Variants in PAN3 observed in about 807,000 individuals in gnomAD.
The protein encoded by PAN3 is poly(A) specific ribonuclease subunit PAN3, also known as PAN2-PAN3 deadenylation complex subunit PAN3.
PAN3 carries 19 observed loss-of-function variants against 96.2 expected under a neutral mutation model. The ratio of observed to expected loss-of-function variants is 0.20; its 90% CI spans 0.14 to 0.29. PAN3 has a LOEUF of 0.29. PAN3 is among the 10% of genes least tolerant of loss of function. The pLI, the probability that PAN3 is intolerant of heterozygous loss-of-function variation, is 1.00. For missense variants in PAN3, 882 were observed against 1,108.1 expected (o/e 0.80, Z 2.90); for synonymous variants, 433 against 406.6 (o/e 1.06, Z -0.78).
intron 6 of PAN3, among the ~76,000 whole-genome samples, chr13:28,253,408 C>T (rs1884892350): frequency 6.6e-6 from 1 of 151,796 alleles, no homozygotes; most frequent in South Asian, 2.1e-4. Context: ...AGATATTTTA[C>T]TCAGTTCTTT....
At chr13:28,209,624 G>T (rs756950447) in intron 5 of PAN3, among the ~76,000 whole-genome samples, 35 of 151,970 alleles carry the variant, frequency 2.3e-4, no homozygotes, top group Non-Finnish European at 4.0e-4. Context: ...ATAAAAAAGT[G>T]CTGTGCTAAC....
At chr13:28,252,870 A>C (rs532398147) in intron 6 of PAN3, among the ~76,000 whole-genome samples, 1 of 152,166 alleles carries the variant, frequency 6.6e-6, no homozygotes, top group Non-Finnish European at 1.5e-5. Context: ...CTGATCTTCT[A>C]TGTATTACTA....
chr13:28,215,586 G>T (rs1436385798), intron 5 of PAN3: 3 of 791,474 alleles, frequency 3.8e-6, no homozygotes, highest in Admixed American at 4.1e-5. Flanking sequence ...CTATGCCCTT[G>T]TACTGAATTG....
At chr13:28,257,660 TTA>T (rs1885254302) in intron 7 of PAN3, among the ~76,000 whole-genome samples, 2 of 143,008 alleles carry the variant, frequency 1.4e-5, no homozygotes, top group African/African-American at 2.6e-5. Context: ...CATATATATT[TTA>T]TATATATGTA....
chr13:28,220,199 G>T (rs1215723754), intron 5 of PAN3, 32 bp from the exon 6 acceptor site: 1 of 1,601,994 alleles, frequency 6.2e-7, no homozygotes. Context: ...GGCTTAAAGT[G>T]TGTTAACTTA....
chr13:28,197,039 G>T (rs1878138639), intron 4 of PAN3, 146 bp from the exon 5 acceptor site: 1 of 926,480 alleles, frequency 1.1e-6, no homozygotes, highest in East Asian at 2.8e-5. Flanking sequence ...GAGGTGGTGG[G>T]TGGTGGTAAG....
Position 28,280,505 on chromosome 13 carries a change from A to G in PAN3, c.2283A>G (p.Gln761=), listed in dbSNP as rs147333916. The change falls in exon 16 of 19, where the codon CAA becomes CAG. Residue 761 remains glutamine, a synonymous_variant. Transcript: ENST00000380958. ...TTTATACTCAATTGGATGCTGCTCA[A>G]ATGAGAAATGATGTCATAGAGGAAG... is the stretch of plus-strand genomic sequence containing the variant. ...ARFYTQLDAA[Q]MRNDVIEEDL... 6.4e-5 allele frequency: 104 copies of G among 1,613,692 alleles called. No individual in the cohort carries two copies. The Admixed American group carries it at 1.2e-3, about 18-fold the overall frequency.
intron 1 of PAN3, among the ~76,000 whole-genome samples, chr13:28,146,302 C>CTCTG (rs1555267958): frequency 7.7e-6 from 1 of 129,312 alleles, no homozygotes; most frequent in African/African-American, 3.8e-5. Flanking sequence ...CTTTCTCTGT[C>CTCTG]TCTCTCTCTC....
chr13:28,286,752 A>G (rs1869019965), intron 17 of PAN3, among the ~76,000 whole-genome samples: 1 of 152,298 alleles, frequency 6.6e-6, no homozygotes, highest in Non-Finnish European at 1.5e-5. Context: ...GGCTGTTGAA[A>G]GGGAGCAGAG....
intron 14 of PAN3, among the ~76,000 whole-genome samples, chr13:28,273,982 G>C (rs1190546414): frequency 6.6e-6 from 1 of 152,182 alleles, no homozygotes; most frequent in Non-Finnish European, 1.5e-5. Context: ...GCATAAATCT[G>C]TTTTGCTCGT....
chr13:28,166,373 T>C (rs1293844133), intron 1 of PAN3, among the ~76,000 whole-genome samples: 1 of 152,194 alleles, frequency 6.6e-6, no homozygotes, highest in African/African-American at 2.4e-5. Context: ...AGAATAATCT[T>C]GTTTAACTCC....
intron 1 of PAN3, among the ~76,000 whole-genome samples, 154 bp downstream of exon 1, chr13:28,139,241 C>T (rs1222279311): frequency 6.6e-6 from 1 of 151,742 alleles, no homozygotes; most frequent in Non-Finnish European, 1.5e-5. Context: ...CTGAGCCCTC[C>T]TTCCTTCTTC....
At chr13:28,217,127 AT>A (rs926589545) in intron 5 of PAN3, among the ~76,000 whole-genome samples, 1 of 151,092 alleles carries the variant, frequency 6.6e-6, no homozygotes, top group Non-Finnish European at 1.5e-5. Context: ...AAAAAAAAAA[AT>A]GATAATAATT....
intron 14 of PAN3, among the ~76,000 whole-genome samples, chr13:28,273,223 G>A (rs776879870): frequency 1.3e-5 from 2 of 152,086 alleles, no homozygotes; most frequent in African/African-American, 2.4e-5. Flanking sequence ...GCCTCGTGAT[G>A]CTTCTTAGCT....
chr13:28,177,139 A>T (rs1323810506), intron 3 of PAN3, among the ~76,000 whole-genome samples: 1 of 152,156 alleles, frequency 6.6e-6, no homozygotes. Flanking sequence ...TCAGAAATGA[A>T]GATAAATATT....
intron 5 of PAN3, among the ~76,000 whole-genome samples, chr13:28,207,460 T>TA (rs1879509650): frequency 6.6e-6 from 1 of 152,182 alleles, no homozygotes; most frequent in African/African-American, 2.4e-5. Context: ...CAAAATCCCT[T>TA]ATGAAGGCAT....
chr13:28,191,608 C>T (rs1457853244), intron 4 of PAN3, among the ~76,000 whole-genome samples: 1 of 152,096 alleles, frequency 6.6e-6, no homozygotes, highest in Non-Finnish European at 1.5e-5. Flanking sequence ...TGCCAGAGTC[C>T]ACTAATTTGT....
intron 6 of PAN3, among the ~76,000 whole-genome samples, chr13:28,252,033 G>A (rs1253494939): frequency 6.6e-6 from 1 of 151,750 alleles, no homozygotes; most frequent in Non-Finnish European, 1.5e-5. Flanking sequence ...GATTACAGGT[G>A]CGCACCACCA....
chr13:28,243,998 T>A (rs1883935327), intron 6 of PAN3, among the ~76,000 whole-genome samples: 1 of 152,208 alleles, frequency 6.6e-6, no homozygotes, highest in South Asian at 2.1e-4. Flanking sequence ...GTTCTTTTTT[T>A]AAAACATAAA....
Sources: allele counts gnomAD v4.1 joint callset (sites outside exome capture counted in the v4.1 genomes callset), GRCh38; gene constraint gnomAD v4.1.1; transcripts MANE v1.5; gene names NCBI Gene and HGNC (gene_info 2026-07-23, HGNC 2026-07-21).